CCDC171: variants seen among roughly 807,000 people sequenced by gnomAD.
The protein encoded by CCDC171 is coiled-coil domain-containing protein 171.
Under a neutral mutation model 168.2 loss-of-function variants are expected in CCDC171, and 177 were observed. The ratio of observed to expected loss-of-function variants is 1.05; its 90% CI spans 0.93 to 1.19. The LOEUF is 1.19. CCDC171 is among the 50% of genes most tolerant of loss of function. CCDC171 has a pLI of 0.00. For missense variants in CCDC171, 1,991 were observed against 1,539.0 expected (o/e 1.29, Z -4.91); for synonymous variants, 687 against 540.8 (o/e 1.27, Z -3.75).
chr9:16,063,262 C>G (rs1361399070), downstream of CCDC171, among the ~76,000 whole-genome samples: 1 of 152,042 alleles, frequency 6.6e-6, no homozygotes, highest in Non-Finnish European at 1.5e-5. Flanking sequence ...TCCAGATGCC[C>G]CAGGCAGAGG....
chr9:15,624,021 A>C (rs2044813015), intron 7 of CCDC171, among the ~76,000 whole-genome samples: 1 of 152,188 alleles, frequency 6.6e-6, no homozygotes, highest in Non-Finnish European at 1.5e-5. Flanking sequence ...CAGATAAAGA[A>C]GTTTTGTCCT....
At chr9:15,875,942 G>A (rs964049056) in intron 24 of CCDC171, 1 of 152,006 alleles carries the variant, frequency 6.6e-6, no homozygotes, top group African/African-American at 2.4e-5. Context: ...CAGTATTTAT[G>A]AATTCATCAT....
intron 24 of CCDC171, among the ~76,000 whole-genome samples, chr9:15,902,497 A>T (rs1821841028): frequency 6.6e-6 from 1 of 152,242 alleles, no homozygotes; most frequent in Non-Finnish European, 1.5e-5. Context: ...TCCCTGATTT[A>T]GTAAACACAA....
At chr9:15,891,242 C>CT (rs1182000088) in intron 24 of CCDC171, among the ~76,000 whole-genome samples, 1 of 152,094 alleles carries the variant, frequency 6.6e-6, no homozygotes, top group Non-Finnish European at 1.5e-5. Flanking sequence ...TGTATTTACT[C>CT]TGAGTCAGTA....
At chr9:15,734,698 G>A (rs879400359) in intron 16 of CCDC171, among the ~76,000 whole-genome samples, 3 of 152,182 alleles carry the variant, frequency 2.0e-5, no homozygotes, top group Admixed American at 6.5e-5. Flanking sequence ...TATAGGACCT[G>A]TAAATTTTAT....
At chr9:15,637,125 G>T (rs965644196) in intron 7 of CCDC171, among the ~76,000 whole-genome samples, 2 of 151,980 alleles carry the variant, frequency 1.3e-5, no homozygotes, top group African/African-American at 4.8e-5. Flanking sequence ...GCATGGTGGC[G>T]CTCGCCTGTA....
chr9:15,726,087 C>T (rs956820799), intron 14 of CCDC171, among the ~76,000 whole-genome samples: 20 of 152,224 alleles, frequency 1.3e-4, no homozygotes, highest in Admixed American at 1.2e-3. Flanking sequence ...CAAATATGAA[C>T]ATGAATGCCA....
chr9:15,764,664 T>A lies in CCDC171; in HGVS notation c.2672-12936T>A, dbSNP rs553802307. Among the ~76,000 whole-genome samples the A allele has an allele frequency of 2.0e-5, 3 of 152,322 alleles. No homozygotes were observed. The East Asian group carries it at 5.8e-4, about 29-fold the overall frequency. ...GAGAAATATATTAGACTCGTAAGTG[T>A]CAAGGAGGTGGCTGGATATCTGAAT... On this transcript the variant is annotated intron_variant, in intron 18 of 25. Coordinates refer to ENST00000380701, the MANE Select transcript of CCDC171 (RefSeq NM_173550.4).
At chr9:15,826,122 G>T (rs1401597353) in intron 21 of CCDC171, among the ~76,000 whole-genome samples, 1 of 151,564 alleles carries the variant, frequency 6.6e-6, no homozygotes, top group Non-Finnish European at 1.5e-5. Context: ...GCTTTTTATT[G>T]TAGTAATATT....
chr9:15,671,059 T>G (rs1190366623), intron 9 of CCDC171, among the ~76,000 whole-genome samples: 1 of 152,140 alleles, frequency 6.6e-6, no homozygotes, highest in African/African-American at 2.4e-5. Context: ...GCCACTGTAC[T>G]TCAGTGTGGG....
At chr9:15,643,476 C>T (rs182896852) in intron 7 of CCDC171, among the ~76,000 whole-genome samples, 1 of 152,178 alleles carries the variant, frequency 6.6e-6, no homozygotes, top group Admixed American at 6.5e-5. Context: ...TTAGAAATAA[C>T]TTTTTTTCCA....
chr9:15,605,191 C>G (rs1196178268), intron 6 of CCDC171, among the ~76,000 whole-genome samples: 1 of 152,124 alleles, frequency 6.6e-6, no homozygotes, highest in Non-Finnish European at 1.5e-5. Context: ...GCCACCACAC[C>G]TGGCTTATAA....
chr9:15,570,132 G>C (rs1240143078), intron 2 of CCDC171, among the ~76,000 whole-genome samples: 2 of 151,944 alleles, frequency 1.3e-5, no homozygotes, highest in Non-Finnish European at 2.9e-5. Flanking sequence ...ACCACATCCA[G>C]CTAATTTTTT....
intron 24 of CCDC171, among the ~76,000 whole-genome samples, chr9:15,892,629 C>A (rs1820372103): frequency 6.6e-6 from 1 of 152,030 alleles, no homozygotes; most frequent in South Asian, 2.1e-4. Context: ...GTGCAAAAAT[C>A]ACCAACAACA....
intron 25 of CCDC171, among the ~76,000 whole-genome samples, chr9:15,929,192 A>G (rs1317500588): frequency 6.6e-6 from 1 of 151,752 alleles, no homozygotes; most frequent in Non-Finnish European, 1.5e-5. Flanking sequence ...CAAAGTGATC[A>G]GTATAATTGA....
intron 3 of CCDC171, among the ~76,000 whole-genome samples, chr9:16,004,237 C>T (rs568617704): frequency 6.6e-6 from 1 of 152,268 alleles, no homozygotes; most frequent in East Asian, 1.9e-4. Flanking sequence ...AGGCCCAAAG[C>T]AGAGGCTTAG....
chr9:15,631,923 A>G (rs1461064305), intron 7 of CCDC171, among the ~76,000 whole-genome samples: 1 of 152,234 alleles, frequency 6.6e-6, no homozygotes, highest in African/African-American at 2.4e-5. Context: ...CAAAAACCAC[A>G]TGATTATCTC....
intron 25 of CCDC171, among the ~76,000 whole-genome samples, chr9:15,955,944 G>T (rs1191007196): frequency 2.0e-5 from 3 of 152,136 alleles, no homozygotes; most frequent in African/African-American, 7.2e-5. Context: ...TGTGAGGACA[G>T]TAACAGTGGA....
intron 25 of CCDC171, among the ~76,000 whole-genome samples, chr9:15,952,259 A>T (rs1829279327): frequency 6.6e-6 from 1 of 152,188 alleles, no homozygotes; most frequent in Non-Finnish European, 1.5e-5. Context: ...TTATGCCAGT[A>T]CACACTGTTT....
Sources: allele counts gnomAD v4.1 joint callset (sites outside exome capture counted in the v4.1 genomes callset), GRCh38; gene constraint gnomAD v4.1.1; transcripts MANE v1.5; gene names NCBI Gene and HGNC (gene_info 2026-07-23, HGNC 2026-07-21).